Variants in TAMM41 observed in about 807,000 individuals in gnomAD.
TAMM41 encodes the protein phosphatidate cytidylyltransferase, mitochondrial.
A neutral mutation model predicts 44.1 loss-of-function variants in TAMM41; 36 were observed. The ratio of observed to expected loss-of-function variants is 0.82; its 90% CI spans 0.63 to 1.08. The LOEUF (loss-of-function observed/expected upper bound fraction) is 1.08, where lower values mean the gene tolerates loss of function less well. Among genes scored for constraint, TAMM41 ranks in the 50% least tolerant of loss-of-function variants. The pLI is 0.00. For missense variants in TAMM41, 417 were observed against 404.3 expected, an observed-to-expected ratio of 1.03 and a Z score of -0.27; for synonymous variants, 164 against 153.1, an observed-to-expected ratio of 1.07 and a Z score of -0.53.
chr3:11,845,270 C>G (rs57762534), intron 1 of TAMM41, among the ~76,000 whole-genome samples: 1,827 of 152,166 alleles, frequency 0.012, 37 homozygotes, highest in African/African-American at 0.036. Flanking sequence ...ATTATATTAG[C>G]TAAGGCGCTA....
At chr3:11,767,715 T>G in the TAMM41 span, among the ~76,000 whole-genome samples, 2 of 140,536 alleles carry the variant, frequency 1.4e-5, no homozygotes, top group African/African-American at 5.4e-5. Flanking sequence ...AACCTCCGCC[T>G]CCCGGGTTCA....
the TAMM41 span, among the ~76,000 whole-genome samples, chr3:11,749,877 T>C: frequency 6.6e-6 from 1 of 151,000 alleles, no homozygotes; most frequent in Non-Finnish European, 1.5e-5. Context: ...AAAGGCTTCA[T>C]GGAGTGTCAA....
the TAMM41 span, among the ~76,000 whole-genome samples, chr3:11,747,869 A>G: frequency 2.5e-5 from 1 of 39,712 alleles, no homozygotes; most frequent in Non-Finnish European, 4.5e-5. Flanking sequence ...AATATTTACT[A>G]TTTATTTATT....
At chr3:11,773,381 A>T in the TAMM41 span, among the ~76,000 whole-genome samples, 1 of 151,280 alleles carries the variant, frequency 6.6e-6, no homozygotes, top group Non-Finnish European at 1.5e-5. Flanking sequence ...AACATTTTTA[A>T]TTTTTTATAA....
chr3:11,789,550 T>A (rs75885709), downstream of TAMM41, among the ~76,000 whole-genome samples: 40 of 152,302 alleles, frequency 2.6e-4, no homozygotes, highest in African/African-American at 9.1e-4. Flanking sequence ...CCTGTGAGCC[T>A]GAGGGGAGGG....
the TAMM41 span, among the ~76,000 whole-genome samples, chr3:11,748,614 A>C: frequency 6.6e-6 from 1 of 152,060 alleles, no homozygotes; most frequent in African/African-American, 2.4e-5. Flanking sequence ...CCTGACTTCA[A>C]GTGATCTGCC....
intron 7 of TAMM41, among the ~76,000 whole-genome samples, chr3:11,798,460 G>A (rs888052924): frequency 1.3e-5 from 2 of 152,062 alleles, no homozygotes; most frequent in South Asian, 2.1e-4. Flanking sequence ...GAACACACAG[G>A]ACACATAGAA....
the TAMM41 span, among the ~76,000 whole-genome samples, chr3:11,724,564 T>C: frequency 6.6e-6 from 1 of 152,032 alleles, no homozygotes; most frequent in African/African-American, 2.4e-5. Flanking sequence ...AGCAGGCGCC[T>C]GCCACCACGC....
chr3:11,754,121 C>T, the TAMM41 span, among the ~76,000 whole-genome samples: 2 of 152,158 alleles, frequency 1.3e-5, no homozygotes, highest in Admixed American at 6.6e-5. Context: ...CCGAGACCCC[C>T]TGCTCCTCGG....
rs1406179249 is a variant in TAMM41, at chr3:11,829,753, C to T, written c.523G>A (p.Glu175Lys). The T allele has an allele frequency of 2.5e-6, 4 of 1,614,200 alleles. No homozygotes were observed. The Admixed American group carries it at 5.0e-5, about 20-fold the overall frequency. The change falls in exon 4 of 8, where the codon GAA becomes AAA. Residue 175 changes from glutamate to lysine, a missense_variant. Coordinates refer to ENST00000455809, the MANE Select transcript of TAMM41 (RefSeq NM_001284401.2). Reference protein sequence around the residue: ...FLMLPESFSEEDLFIEIAGLS... With the variant: ...FLMLPESFSEKDLFIEIAGLS... ...CCGGCAATCTCTATGAAGAGGTCTT[C>T]TTCAGAAAAGCTTTCGGGGAGCATG...
chr3:11,806,021 T>A (rs547036475), intron 7 of TAMM41, among the ~76,000 whole-genome samples: 13 of 152,196 alleles, frequency 8.5e-5, no homozygotes, highest in Non-Finnish European at 1.2e-4. Flanking sequence ...GGAGCTCCCC[T>A]GCACATGCTC....
At chr3:11,837,248 G>A (rs555045879) in intron 3 of TAMM41, among the ~76,000 whole-genome samples, 14 of 152,200 alleles carry the variant, frequency 9.2e-5, no homozygotes, top group South Asian at 2.1e-4. Context: ...GGAGACACTC[G>A]AGAACAATCT....
the TAMM41 span, among the ~76,000 whole-genome samples, chr3:11,754,452 C>T: frequency 2.0e-5 from 3 of 152,132 alleles, no homozygotes; most frequent in Non-Finnish European, 2.9e-5. Context: ...TGGCTTACTG[C>T]AGCCTCGACC....
chr3:11,820,865 G>T (rs1414235464), intron 4 of TAMM41, among the ~76,000 whole-genome samples: 1 of 152,144 alleles, frequency 6.6e-6, no homozygotes, highest in East Asian at 1.9e-4. Flanking sequence ...AAACTCCAAG[G>T]CCTGCAAGCC....
At chr3:11,734,552 T>G in the TAMM41 span, among the ~76,000 whole-genome samples, 71 of 152,244 alleles carry the variant, frequency 4.7e-4, no homozygotes, top group Middle Eastern at 3.4e-3. Context: ...CACTCCTCTA[T>G]TAGAAAGAAT....
intron 4 of TAMM41, among the ~76,000 whole-genome samples, chr3:11,828,147 A>G (rs1055450128): frequency 2.6e-5 from 4 of 152,334 alleles, no homozygotes; most frequent in Non-Finnish European, 5.9e-5. Context: ...GAAGCCTACA[A>G]AAGTCAGGAG....
chr3:11,776,954 A>G, the TAMM41 span, among the ~76,000 whole-genome samples: 1 of 152,256 alleles, frequency 6.6e-6, no homozygotes, highest in African/African-American at 2.4e-5. Flanking sequence ...GAAAGCATCA[A>G]ACTCATAAAC....
chr3:11,791,143 G>A (rs564945341), intron 7 of TAMM41, among the ~76,000 whole-genome samples: 2 of 152,326 alleles, frequency 1.3e-5, no homozygotes, highest in Admixed American at 1.3e-4. Context: ...CGTGTGGGCC[G>A]ATTCACCCAC....
At chr3:11,836,500 G>C (rs2079182900) in intron 3 of TAMM41, among the ~76,000 whole-genome samples, 1 of 152,146 alleles carries the variant, frequency 6.6e-6, no homozygotes, top group African/African-American at 2.4e-5. Flanking sequence ...GTCTCGCTTT[G>C]TCACCCAGGC....
Sources: gnomAD v4.1 joint callset for allele counts (sites outside exome capture counted in the v4.1 genomes callset) on GRCh38, gnomAD v4.1.1 for gene constraint, MANE v1.5 for transcripts, NCBI Gene and HGNC (gene_info 2026-07-23, HGNC 2026-07-21) for gene names.